Variants in MATN4 observed in about 807,000 individuals in gnomAD.
The protein encoded by MATN4 is matrilin 4.
Under a neutral mutation model 54.6 loss-of-function variants are expected in MATN4, and 40 were observed. The observed-to-expected ratio is 0.73, with a 90% CI of 0.57 to 0.95. The LOEUF (loss-of-function observed/expected upper bound fraction) is 0.95, where lower values mean the gene tolerates loss of function less well. Ranked by LOEUF, MATN4 falls within the 40% of genes least tolerant of loss-of-function variation. The pLI, the probability that MATN4 is intolerant of heterozygous loss-of-function variation, is 0.00. For missense variants in MATN4, 810 were observed against 819.1 expected (o/e 0.99, Z 0.13); for synonymous variants, 351 against 345.3 (o/e 1.02, Z -0.18).
At chr20:45,307,295 C>G (rs1568884298) in intron 1 of MATN4, among the ~76,000 whole-genome samples, 1 of 152,180 alleles carries the variant, frequency 6.6e-6, no homozygotes, top group Non-Finnish European at 1.5e-5. Context: ...CGTGAATGCG[C>G]CTATTCTGAG....
In MATN4 at chr20:45,304,492, C is replaced by A. The variant is rs762886063; in HGVS notation, c.379G>T (p.Val127Leu). Residue 127 changes from valine to leucine, a missense_variant, in exon 3 of 10, where the codon GTG becomes TTG. Coordinates refer to ENST00000372756, the MANE Select transcript of MATN4 (RefSeq NM_001393530.1). ...TCTGGCGGTCGCGCGCCCTCGGCCA[C>A]ACTGAAGGCCACGTTCATGGCGTAC... ...IQYAMNVAFS[V>L]AEGARPPEER... 2.5e-6 allele frequency: 4 copies of A among 1,581,218 alleles called. No individual in the cohort carries two copies. The highest frequency in any genetic ancestry group is 3.5e-6 in the Non-Finnish European group (4 of 1,155,810).
At chr20:45,306,954 TA>T in intron 1 of MATN4, 1 of 1,252,790 alleles carries the variant, frequency 8.0e-7, no homozygotes, top group Non-Finnish European at 1.0e-6. Flanking sequence ...GGTGAGCGCT[TA>T]CCCTCCCGAG....
intron 8 of MATN4, among the ~76,000 whole-genome samples, 188 bp downstream of exon 8, chr20:45,297,730 A>G (rs530030605): frequency 6.6e-6 from 1 of 152,212 alleles, no homozygotes; most frequent in Non-Finnish European, 1.5e-5. Flanking sequence ...GAAATGTTTC[A>G]GTTCTAAGAA....
chr20:45,300,905 C>T lies in MATN4; in HGVS notation c.994G>A (p.Asp332Asn), dbSNP rs772461808. Residue 332 changes from aspartate to asparagine, a missense_variant, in exon 6 of 10, where the codon GAT (aspartate) becomes AAT (asparagine). Physicochemically the swap from Asp to Asn is conservative, Grantham distance 23. Transcript: ENST00000372756. ...CACTCACGGTTGCAGCTCTTGCCAT[C>T]TGCCTGAAGTTGCCGCCCCTCGGGG... The part of the protein sequence containing the change: ...LCPEGRQLQA[D>N]GKSCNRCREG... 1.9e-6 allele frequency: 3 copies of T among 1,613,198 alleles called. No individual in the cohort carries two copies. The highest frequency in any genetic ancestry group is 2.2e-5 in the South Asian group (2 of 91,036).
chr20:45,302,334 T>C (rs1049101541), intron 3 of MATN4, among the ~76,000 whole-genome samples: 13 of 152,190 alleles, frequency 8.5e-5, no homozygotes, highest in Non-Finnish European at 1.6e-4. Context: ...TCTGGGTTAT[T>C]GGGATTACAT....
chr20:45,305,379 G>A, intron 2 of MATN4, 131 bp downstream of exon 2: 1 of 609,912 alleles, frequency 1.6e-6, no homozygotes, highest in Non-Finnish European at 2.8e-6. Flanking sequence ...AGGTGAAGTG[G>A]GGAACTTAAA....
chr20:45,305,658 G>C lies in MATN4; in HGVS notation c.-34-42C>G, dbSNP rs1375206278. On this transcript the variant is annotated intron_variant, in intron 1 of 9. Transcript: ENST00000372756. ...AAATAGAAAAGCAACAGTATTTACA[G>C]AGCTCTTATTCTGGGTGATAGGCAC... The C allele has an allele frequency of 3.8e-6, 4 of 1,058,824 alleles. No individual in the cohort carries two copies. In the African/African-American group the frequency reaches 4.7e-5, roughly 13 times the overall value. 65.6% of individuals were successfully genotyped at this position (1,058,824 alleles called of 1,614,324 possible).
intron 8 of MATN4, among the ~76,000 whole-genome samples, chr20:45,296,024 G>A (rs1010028639): frequency 6.6e-6 from 1 of 151,674 alleles, no homozygotes; most frequent in African/African-American, 2.4e-5. Flanking sequence ...GACCATCCTG[G>A]CTAACACGGT....
chr20:45,304,283 T>C lies in MATN4; in HGVS notation c.588A>G (p.Val196=). ...ACTCCTGGATGAGGTCGAAGGACTC[T>C]ACGAGGAAGACGTGCTCGTCTAGCG... ...SPPLDEHVFL[V]ESFDLIQEFG... Residue 196 remains valine, a synonymous_variant, in exon 3 of 10, where the codon GTA becomes GTG. Transcript: ENST00000372756. The C allele has an allele frequency of 2.6e-6, 4 of 1,555,570 alleles. No individual in the cohort carries two copies. The East Asian group carries it at 7.1e-5, about 28-fold the overall frequency.
intron 3 of MATN4, 136 bp downstream of exon 3, chr20:45,304,092 G>T: frequency 3.0e-6 from 2 of 659,154 alleles, no homozygotes; most frequent in Non-Finnish European, 4.8e-6. Flanking sequence ...ATCTGACACA[G>T]CCTGCGGTAG....
At chr20:45,305,928 C>T (rs868725956) in intron 1 of MATN4, among the ~76,000 whole-genome samples, 1 of 150,396 alleles carries the variant, frequency 6.6e-6, no homozygotes, top group Admixed American at 6.6e-5. Flanking sequence ...CTCAGCCTCC[C>T]GAGTAGCTGG....
In MATN4 at chr20:45,293,892, C is replaced by T. The variant is rs1420436511; in HGVS notation, c.1687+16G>A. The T allele has an allele frequency of 1.2e-6, 2 of 1,606,156 alleles. No individual in the cohort carries two copies. The highest frequency in any genetic ancestry group is 2.7e-5 in the African/African-American group (2 of 74,838). On this transcript the variant is annotated intron_variant, in intron 9 of 9. Coordinates refer to ENST00000372756, the MANE Select transcript of MATN4 (RefSeq NM_001393530.1). ...TCACTTTCCCTCCAGCCCGCGCCACCAGCCCCAAAGGATATGGTTCAGCGT... is the reference window on the plus strand; with the variant it reads ...TCACTTTCCCTCCAGCCCGCGCCACTAGCCCCAAAGGATATGGTTCAGCGT...
At chr20:45,308,107 C>A (rs1986895128) in intron 1 of MATN4, 68 bp downstream of exon 1, 2 of 1,485,044 alleles carry the variant, frequency 1.3e-6, no homozygotes, top group Non-Finnish European at 1.9e-6. Flanking sequence ...CTAAAATACA[C>A]TCGCCTGACC....
At chr20:45,297,838 G>A in intron 8 of MATN4, 80 bp downstream of exon 8, 2 of 1,542,058 alleles carry the variant, frequency 1.3e-6, no homozygotes, top group South Asian at 2.3e-5. Context: ...CTACAAAGTG[G>A]GCAGGGAGTG....
At chr20:45,294,141 C>G (rs1985663700) in intron 8 of MATN4, 126 bp from the exon 9 acceptor site, 2 of 709,338 alleles carry the variant, frequency 2.8e-6, no homozygotes, top group Non-Finnish European at 4.6e-6. Context: ...GGGCTGAGTC[C>G]CAAGCTAAGT....
Position 45,298,257 on chromosome 20 carries a change from G to A in MATN4, c.1339C>T (p.Leu447Phe). ...ACCAGGCCAACACGAGGCACGTTAA[G>A]GGCACGGGGCCGTGCACCCTGCGCC... is the stretch of plus-strand genomic sequence containing the variant. ...SEAQGARPRA[L>F]NVPRVGLVFT... Residue 447 changes from leucine to phenylalanine, a missense_variant, in exon 7 of 10, where the codon CTT becomes TTT. Transcript: ENST00000372756. This position sits in a 1 kb window ranked among gnomAD's most constrained non-coding sequence, Gnocchi z 4.6. 6.2e-7 allele frequency: 1 copy of A among 1,612,926 alleles called. No individual in the cohort carries two copies. Among genetic ancestry groups the A allele is most frequent in the South Asian group, 1.1e-5 (1 of 91,050 alleles).
At position 45,298,704 on chromosome 20, in the gene MATN4, TC is replaced by T; in HGVS notation, c.1013-122del. On this transcript the variant is annotated intron_variant, in intron 6 of 9. Transcript: ENST00000372756. This position sits in a 1 kb window ranked among gnomAD's most constrained non-coding sequence, Gnocchi z 4.6. Reference sequence around the variant, plus strand: ...TAACAGACAACATTTCCTGAGTCCTTCCTGTGCCAGGCAGTGTGCTAAGTAA... The same window carrying T: ...TAACAGACAACATTTCCTGAGTCCTTCTGTGCCAGGCAGTGTGCTAAGTAA... The T allele has an allele frequency of 2.7e-6, 2 of 734,582 alleles. No homozygotes were observed. Among genetic ancestry groups the T allele is most frequent in the Non-Finnish European group, 2.1e-6 (1 of 466,250 alleles). 45.5% of individuals were successfully genotyped at this position (734,582 alleles called of 1,614,324 possible). A position where few individuals can be genotyped will look rare whatever the true frequency, so the allele number is the denominator to read the frequency against.
At chr20:45,303,834 C>A (rs1986394317) in intron 3 of MATN4, among the ~76,000 whole-genome samples, 1 of 152,146 alleles carries the variant, frequency 6.6e-6, no homozygotes, top group Non-Finnish European at 1.5e-5. Context: ...CAAAACAGAT[C>A]AGAACAGATC....
chr20:45,303,144 G>T (rs1986352147), intron 3 of MATN4, among the ~76,000 whole-genome samples: 2 of 151,820 alleles, frequency 1.3e-5, no homozygotes. Flanking sequence ...AAACAAGTTT[G>T]GGAGGTTGAT....
Sources: allele counts gnomAD v4.1 joint callset (sites outside exome capture counted in the v4.1 genomes callset), GRCh38; gene constraint gnomAD v4.1.1; non-coding constraint Gnocchi (gnomAD v3.1); transcripts MANE v1.5; gene names NCBI Gene and HGNC (gene_info 2026-07-23, HGNC 2026-07-21).